PMM2: variants seen among roughly 807,000 people sequenced by gnomAD.
The protein encoded by PMM2 is mannose-6-phosphate isomerase.
Under a neutral mutation model 33.2 loss-of-function variants are expected in PMM2, and 35 were observed. That is an observed-to-expected ratio of 1.06 (90% CI 0.81 to 1.40). The LOEUF (loss-of-function observed/expected upper bound fraction) is 1.40. Among genes scored for constraint, PMM2 ranks in the 40% most tolerant of loss-of-function variants. The pLI, the probability that PMM2 is intolerant of heterozygous loss-of-function variation, is 0.00. For synonymous variants in PMM2, 153 were observed against 114.7 expected (o/e 1.33, Z -2.13); for missense variants, 386 against 306.0 (o/e 1.26, Z -1.95).
At chr16:8,801,952 T>G (rs2060619140) in intron 2 of PMM2, 42 bp downstream of exon 2, 4 of 1,336,746 alleles carry the variant, frequency 3.0e-6, no homozygotes, top group African/African-American at 2.9e-5. Flanking sequence ...AAAGATTAAC[T>G]TCTTATGAGG....
At chr16:8,813,857 C>CTTTTTTTTTTTTTTTTT (rs148507269) in intron 7 of PMM2, among the ~76,000 whole-genome samples, 1 of 89,138 alleles carries the variant, frequency 1.1e-5, no homozygotes. Context: ...TTTTCTTTCT[C>CTTTTTTTTTTTTTTTTT]TTTTTTTTTT....
intron 7 of PMM2, among the ~76,000 whole-genome samples, chr16:8,840,204 G>A (rs1430919567): frequency 6.6e-6 from 1 of 151,732 alleles, no homozygotes; most frequent in African/African-American, 2.4e-5. Flanking sequence ...AGAGGTAGAG[G>A]GTGGCATAAG....
intron 7 of PMM2, among the ~76,000 whole-genome samples, chr16:8,838,919 A>T (rs904866527): frequency 2.0e-5 from 3 of 151,928 alleles, no homozygotes; most frequent in Non-Finnish European, 4.4e-5. Flanking sequence ...TCTTTTTTCA[A>T]CAGTGAGTAA....
intron 6 of PMM2, among the ~76,000 whole-genome samples, chr16:8,812,687 T>G (rs909021704): frequency 6.6e-6 from 1 of 152,218 alleles, no homozygotes; most frequent in African/African-American, 2.4e-5. Context: ...GTATCCGATT[T>G]TTCATAAGCA....
At chr16:8,845,841 G>T (rs1011740291) in intron 7 of PMM2, among the ~76,000 whole-genome samples, 15 of 150,106 alleles carry the variant, frequency 1.0e-4, no homozygotes, top group Non-Finnish European at 2.2e-4. Flanking sequence ...AACTAGCTTG[G>T]CACTGTTGGA....
rs149274389 is a variant in PMM2, at chr16:8,817,031, G to C, written c.639+3925G>C. ...ACTCCTGAGTTCAAGCAATTGTCCC[G>C]CTTCAGCCTCCCAAGTAGCTGGAAT... On this transcript the variant is annotated intron_variant, in intron 7 of 7. Coordinates refer to ENST00000268261, the MANE Select transcript of PMM2 (RefSeq NM_000303.3). 6.6e-5 allele frequency among the ~76,000 whole-genome samples: 10 copies of C among 152,244 alleles called. No individual in the cohort carries two copies. In the East Asian group the frequency reaches 1.2e-3, roughly 18 times the overall value.
At chr16:8,836,653 G>A (rs1455802246) in intron 7 of PMM2, among the ~76,000 whole-genome samples, 3 of 152,000 alleles carry the variant, frequency 2.0e-5, no homozygotes, top group Non-Finnish European at 1.5e-5. Context: ...CCTGTTATGG[G>A]GTTTGAGGGC....
At chr16:8,804,928 TGAG>T in intron 3 of PMM2, 85 bp downstream of exon 3, 1 of 839,956 alleles carries the variant, frequency 1.2e-6, no homozygotes. Context: ...TCTAGGAAGA[TGAG>T]GAACGGGTAG....
At chr16:8,813,661 T>C (rs1341200910) in intron 7 of PMM2, among the ~76,000 whole-genome samples, 1 of 151,822 alleles carries the variant, frequency 6.6e-6, no homozygotes, top group African/African-American at 2.4e-5. Flanking sequence ...CAGGGCCAAA[T>C]CTAAACTGAG....
At chr16:8,815,089 C>T (rs2060699567) in intron 7 of PMM2, among the ~76,000 whole-genome samples, 1 of 152,176 alleles carries the variant, frequency 6.6e-6, no homozygotes, top group Non-Finnish European at 1.5e-5. Flanking sequence ...ATGCAGTATT[C>T]ATCCTTCTGT....
chr16:8,799,936 C>T (rs1172852128), intron 1 of PMM2, among the ~76,000 whole-genome samples: 1 of 152,208 alleles, frequency 6.6e-6, no homozygotes, highest in Non-Finnish European at 1.5e-5. Flanking sequence ...ATTACAAACC[C>T]TTCTGTACAA....
chr16:8,844,337 G>A lies in PMM2; in HGVS notation c.640-3387G>A, dbSNP rs1024704340. Among the ~76,000 whole-genome samples the A allele has an allele frequency of 5.9e-5, 9 of 152,028 alleles. No individual in the cohort carries two copies. In the East Asian group the frequency reaches 1.7e-3, roughly 29 times the overall value. On this transcript the variant is annotated intron_variant, in intron 7 of 7. Coordinates refer to ENST00000268261, the MANE Select transcript of PMM2 (RefSeq NM_000303.3). Reference sequence around the variant, plus strand: ...AGAGCGTAGAGACATGGAGGGAAGGGGTTTGGGGGTTCTTACCCTCCAGAA... The same window carrying A: ...AGAGCGTAGAGACATGGAGGGAAGGAGTTTGGGGGTTCTTACCCTCCAGAA...
At chr16:8,832,096 G>T (rs891067793) in intron 7 of PMM2, 6 of 966,900 alleles carry the variant, frequency 6.2e-6, no homozygotes, top group Non-Finnish European at 6.1e-6. Context: ...CATTTCATTT[G>T]GGGTCCGCTT....
At chr16:8,810,381 G>A (rs2141022439) in intron 4 of PMM2, 1 of 152,496 alleles carries the variant, frequency 6.6e-6, no homozygotes, top group East Asian at 1.9e-4. Context: ...TGTTGCCAGT[G>A]CTGGAAATCA....
In PMM2 at chr16:8,814,101, A is replaced by T. The variant is rs545942196; in HGVS notation, c.639+995A>T. On this transcript the variant is annotated intron_variant, in intron 7 of 7. Coordinates refer to ENST00000268261, the MANE Select transcript of PMM2 (RefSeq NM_000303.3). ...AGGCTGGTCTCAAACCCCTGGGCTC[A>T]AGTGATCCAATCAACTCGGCCGCTC... Among the ~76,000 whole-genome samples the T allele has an allele frequency of 9.2e-5, 14 of 152,146 alleles. No homozygotes were observed. In the South Asian group the frequency reaches 2.9e-3, roughly 32 times the overall value.
chr16:8,818,456 C>G (rs2060719703), intron 7 of PMM2, among the ~76,000 whole-genome samples: 1 of 152,216 alleles, frequency 6.6e-6, no homozygotes. Context: ...GCAGAGCAAT[C>G]CAAATACTAG....
At chr16:8,812,863 A>G in intron 6 of PMM2, 128 bp from the exon 7 acceptor site, 1 of 724,540 alleles carries the variant, frequency 1.4e-6, no homozygotes, top group Non-Finnish European at 2.6e-6. Flanking sequence ...CTAAGTAGCA[A>G]ACTAGAGTAC....
intron 1 of PMM2, among the ~76,000 whole-genome samples, chr16:8,799,695 G>A (rs1159322532): frequency 6.6e-6 from 1 of 152,082 alleles, no homozygotes; most frequent in African/African-American, 2.4e-5. Flanking sequence ...CTACAGGCAG[G>A]CACCACCACG....
intron 7 of PMM2, among the ~76,000 whole-genome samples, chr16:8,830,932 A>G (rs1390133452): frequency 1.3e-5 from 2 of 152,164 alleles, no homozygotes; most frequent in Admixed American, 1.3e-4. Context: ...TGAGGCCGGG[A>G]GTTTGACACC....
Sources: gnomAD v4.1 joint callset for allele counts (sites outside exome capture counted in the v4.1 genomes callset) on GRCh38, gnomAD v4.1.1 for gene constraint, MANE v1.5 for transcripts, NCBI Gene and HGNC (gene_info 2026-07-23, HGNC 2026-07-21) for gene names.